STK32B: variants seen among roughly 807,000 people sequenced by gnomAD.
STK32B encodes serine/threonine kinase 32B, also known as serine/threonine-protein kinase 32B.
In STK32B, 43 loss-of-function variants were observed where a neutral mutation model predicts 52.6. That is an observed-to-expected ratio of 0.82 (90% CI 0.64 to 1.05). STK32B has a LOEUF of 1.05. Among genes scored for constraint, STK32B ranks in the 50% least tolerant of loss-of-function variants. The pLI is 0.00. For synonymous variants in STK32B, 238 were observed against 204.3 expected (o/e 1.17, Z -1.41); for missense variants, 621 against 534.6 (o/e 1.16, Z -1.59).
chr4:5,196,083 C>A (rs1346746119), intron 3 of STK32B, among the ~76,000 whole-genome samples: 1 of 152,154 alleles, frequency 6.6e-6, no homozygotes, highest in Non-Finnish European at 1.5e-5. Context: ...GTGTCAAAGA[C>A]AGGCTAGCTT....
At chr4:5,143,805 C>T (rs192543053) in intron 2 of STK32B, among the ~76,000 whole-genome samples, 7 of 75,036 alleles carry the variant, frequency 9.3e-5, no homozygotes, top group Admixed American at 2.3e-4. Flanking sequence ...ACTTCTGTCC[C>T]TGACCTTCCA....
chr4:5,415,829 C>A (rs976671764), intron 5 of STK32B, among the ~76,000 whole-genome samples: 7 of 152,102 alleles, frequency 4.6e-5, no homozygotes, highest in Non-Finnish European at 8.8e-5. Flanking sequence ...ATGCCCCTCC[C>A]ATATGTAGTC....
At chr4:5,462,462 C>A (rs1299239451) in intron 9 of STK32B, among the ~76,000 whole-genome samples, 2 of 152,042 alleles carry the variant, frequency 1.3e-5, no homozygotes, top group African/African-American at 4.8e-5. Flanking sequence ...GCTGCGGGGG[C>A]AATGGCTCAA....
At chr4:5,125,055 T>G (rs573061030) in intron 1 of STK32B, among the ~76,000 whole-genome samples, 1 of 152,298 alleles carries the variant, frequency 6.6e-6, no homozygotes, top group Non-Finnish European at 1.5e-5. Flanking sequence ...GACAAGCCTC[T>G]AGGTGCTGAG....
At position 5,398,963 on chromosome 4, in the gene STK32B, A is replaced by G. The variant is rs1737105062; in HGVS notation, c.472+719A>G. Among the ~76,000 whole-genome samples the G allele has an allele frequency of 6.6e-6, 1 of 152,184 alleles. No individual in the cohort carries two copies. The highest frequency in any genetic ancestry group is 2.4e-5 in the African/African-American group (1 of 41,454). ...TTACCTGGGGGACCTGGTAAAAATC[A>G]GAGGTCAGGCCCGGTCCTGCTTCAG... On this transcript the variant is annotated intron_variant, in intron 5 of 11. Transcript: ENST00000282908. This position sits in a 1 kb window ranked among gnomAD's most constrained non-coding sequence, Gnocchi z 4.9.
chr4:5,168,140 C>G (rs1300270524), intron 2 of STK32B, among the ~76,000 whole-genome samples, 159 bp from the exon 3 acceptor site: 2 of 152,134 alleles, frequency 1.3e-5, no homozygotes, highest in Admixed American at 6.6e-5. Context: ...TCTGCAGATG[C>G]AGAGAGGTTG....
chr4:5,300,077 A>C (rs1449587268), intron 3 of STK32B, among the ~76,000 whole-genome samples: 1 of 152,234 alleles, frequency 6.6e-6, no homozygotes, highest in Non-Finnish European at 1.5e-5. Flanking sequence ...AGCACATCAA[A>C]AAGTTAATTG....
chr4:5,138,347 A>T (rs982719525), intron 1 of STK32B, among the ~76,000 whole-genome samples: 1 of 151,894 alleles, frequency 6.6e-6, no homozygotes, highest in Admixed American at 6.6e-5. Flanking sequence ...ACTTCCTCAC[A>T]TCCTTGCTTC....
intron 2 of STK32B, among the ~76,000 whole-genome samples, chr4:5,167,338 C>G (rs1329219354): frequency 6.6e-6 from 1 of 152,166 alleles, no homozygotes; most frequent in Non-Finnish European, 1.5e-5. Context: ...ATGCTTTATC[C>G]ATAAGGTTCT....
At chr4:5,050,504 G>GGA (rs1363634392), upstream of STK32B, among the ~76,000 whole-genome samples, 2 of 152,194 alleles carry the variant, frequency 1.3e-5, no homozygotes, top group Non-Finnish European at 1.5e-5. Flanking sequence ...GGAGAGAACT[G>GGA]GAGAGAGAGA....
chr4:5,376,042 G>A (rs1362328149), intron 4 of STK32B, among the ~76,000 whole-genome samples: 2 of 152,170 alleles, frequency 1.3e-5, no homozygotes, highest in Non-Finnish European at 2.9e-5. Context: ...TCTGGACGCA[G>A]AGTTCCCACT....
intron 5 of STK32B, among the ~76,000 whole-genome samples, chr4:5,412,981 C>A (rs1182493857): frequency 6.6e-6 from 1 of 152,096 alleles, no homozygotes; most frequent in Non-Finnish European, 1.5e-5. Flanking sequence ...TACTCCTTCC[C>A]TTTTTCTCCC....
the STK32B span, among the ~76,000 whole-genome samples, chr4:5,038,591 T>C: frequency 6.6e-6 from 1 of 152,228 alleles, no homozygotes; most frequent in Non-Finnish European, 1.5e-5. Flanking sequence ...ATGCATTTGT[T>C]AACACAAAGT....
chr4:5,302,227 A>G (rs989834268), intron 3 of STK32B, among the ~76,000 whole-genome samples: 5 of 151,678 alleles, frequency 3.3e-5, no homozygotes, highest in Admixed American at 3.3e-4. Flanking sequence ...AAAATCACAA[A>G]GAATTATATA....
chr4:5,055,327 A>G (rs1190689557), intron 1 of STK32B, among the ~76,000 whole-genome samples: 1 of 149,188 alleles, frequency 6.7e-6, no homozygotes, highest in Non-Finnish European at 1.5e-5. Flanking sequence ...AAGTGCTTTT[A>G]GGGGAATAAA....
At chr4:5,173,164 G>A (rs1719532653) in intron 3 of STK32B, among the ~76,000 whole-genome samples, 4 of 151,992 alleles carry the variant, frequency 2.6e-5, no homozygotes, top group East Asian at 1.9e-4. Context: ...TATCCCCTTT[G>A]TCATTTTTAT....
Position 5,469,229 on chromosome 4 carries a change from C to G in STK32B, c.1106+1159C>G, listed in dbSNP as rs555786615. 2.0e-4 allele frequency among the ~76,000 whole-genome samples: 30 copies of G among 152,206 alleles called. No individual in the cohort carries two copies. The highest frequency in any genetic ancestry group is 7.0e-4 in the African/African-American group (29 of 41,540). ...CAGGAGATTCAAATATTGATTGACT[C>G]AAAAAATCATTGATTACAGGCCCTT... On this transcript the variant is annotated intron_variant, in intron 11 of 11. Coordinates refer to ENST00000282908, the MANE Select transcript of STK32B (RefSeq NM_018401.3). The surrounding 1 kb of genome is among the most constrained non-coding windows in gnomAD (Gnocchi z 4.7).
At chr4:5,184,780 T>G (rs1720622759) in intron 3 of STK32B, among the ~76,000 whole-genome samples, 1 of 151,880 alleles carries the variant, frequency 6.6e-6, no homozygotes, top group South Asian at 2.1e-4. Context: ...ATTCCAAGAA[T>G]TATCAAAATG....
chr4:5,325,164 C>G (rs1050531738), intron 3 of STK32B, among the ~76,000 whole-genome samples: 2 of 152,124 alleles, frequency 1.3e-5, no homozygotes, highest in Non-Finnish European at 1.5e-5. Flanking sequence ...CCTTGAAGCA[C>G]ATCATGCAAA....
Sources: gnomAD v4.1 joint callset for allele counts (sites outside exome capture counted in the v4.1 genomes callset) on GRCh38, gnomAD v4.1.1 for gene constraint, Gnocchi (gnomAD v3.1) non-coding constraint, MANE v1.5 for transcripts, NCBI Gene and HGNC (gene_info 2026-07-23, HGNC 2026-07-21) for gene names.